The following STXBP5L variants were observed in gnomAD, a reference collection of about 807,000 sequenced individuals.
STXBP5L encodes syntaxin binding protein 5L.
In STXBP5L, 65 loss-of-function variants were observed where a neutral mutation model predicts 144.5. The ratio of observed to expected loss-of-function variants is 0.45; its 90% CI spans 0.37 to 0.55. The LOEUF is 0.55. STXBP5L is among the 20% of genes least tolerant of loss of function. The pLI is 0.00. For missense variants in STXBP5L, 1,298 were observed against 1,405.5 expected (o/e 0.92, Z 1.22); for synonymous variants, 505 against 469.6 (o/e 1.08, Z -0.97).
At chr3:121,250,611 G>T (rs2049998417) in intron 14 of STXBP5L, 112 bp from the exon 15 acceptor site, 1 of 832,116 alleles carries the variant, frequency 1.2e-6, no homozygotes, top group Non-Finnish European at 1.9e-6. Context: ...TCATTAAAGT[G>T]GTATTTTTGA....
intron 11 of STXBP5L, among the ~76,000 whole-genome samples, chr3:121,225,994 A>G (rs1172685099): frequency 6.6e-6 from 1 of 152,186 alleles, no homozygotes; most frequent in Non-Finnish European, 1.5e-5. Context: ...GTAAACTGTA[A>G]CTAGTACATA....
At chr3:121,249,624 A>T (rs894425661) in intron 14 of STXBP5L, among the ~76,000 whole-genome samples, 1 of 152,096 alleles carries the variant, frequency 6.6e-6, no homozygotes, top group African/African-American at 2.4e-5. Flanking sequence ...TAGCCATATA[A>T]TCTGCAAATA....
intron 20 of STXBP5L, among the ~76,000 whole-genome samples, chr3:121,350,685 C>G (rs1181344231): frequency 6.6e-6 from 1 of 151,884 alleles, no homozygotes; most frequent in African/African-American, 2.4e-5. Context: ...CGTTAAACTT[C>G]TCTTCTCACT....
intron 3 of STXBP5L, among the ~76,000 whole-genome samples, chr3:120,994,331 G>A (rs9866558): frequency 0.099 from 15,099 of 151,932 alleles, 1,182 homozygotes; most frequent in Admixed American, 0.2. Flanking sequence ...TATGTTTTAT[G>A]GATGTGGTGA....
intron 7 of STXBP5L, among the ~76,000 whole-genome samples, chr3:121,139,940 C>G (rs1377747701): frequency 6.6e-6 from 1 of 151,882 alleles, no homozygotes; most frequent in Non-Finnish European, 1.5e-5. Flanking sequence ...ATAAGGGACT[C>G]AGACAACTCA....
rs138837680 is a variant in STXBP5L at position 121,180,893 on chromosome 3, G to T, written c.877+23266G>T. On this transcript the variant is annotated intron_variant, in intron 9 of 26. Transcript: ENST00000471454. ...TGACTTGAAAAGAAAAAGAAGAGAAGACAAGAGAAGAGAAGAGAAAAGAAA... is the reference window on the plus strand; with the variant it reads ...TGACTTGAAAAGAAAAAGAAGAGAATACAAGAGAAGAGAAGAGAAAAGAAA... Among the ~76,000 whole-genome samples the T allele has an allele frequency of 2.5e-3, 373 of 147,314 alleles. 2 individuals are homozygous for T. Among genetic ancestry groups the T allele is most frequent in the African/African-American group, 8.4e-3 (335 of 39,796 alleles).
intron 25 of STXBP5L, 141 bp downstream of exon 25, chr3:121,416,109 T>C (rs2047225335): frequency 1.6e-6 from 1 of 615,980 alleles, no homozygotes; most frequent in Non-Finnish European, 2.7e-6. Context: ...AAAGTTTGAA[T>C]ATTTGTTTCC....
intron 10 of STXBP5L, among the ~76,000 whole-genome samples, chr3:121,218,199 A>T (rs1364597043): frequency 7.0e-6 from 1 of 142,600 alleles, no homozygotes; most frequent in East Asian, 2.0e-4. Flanking sequence ...TAGTATATAT[A>T]TTACTATATA....
At chr3:121,372,362 A>G (rs181480399) in intron 20 of STXBP5L, among the ~76,000 whole-genome samples, 2 of 152,252 alleles carry the variant, frequency 1.3e-5, no homozygotes, top group East Asian at 3.9e-4. Context: ...GCCTAGGGTG[A>G]CGGGCATCAC....
chr3:121,206,368 T>G (rs1269731099), intron 10 of STXBP5L, among the ~76,000 whole-genome samples: 2 of 152,174 alleles, frequency 1.3e-5, no homozygotes, highest in Non-Finnish European at 2.9e-5. Flanking sequence ...GTGTCTATAC[T>G]TTAAGATCTT....
chr3:121,316,998 ACT>A (rs1482497055), intron 19 of STXBP5L, among the ~76,000 whole-genome samples: 3 of 152,140 alleles, frequency 2.0e-5, no homozygotes, highest in Non-Finnish European at 4.4e-5. Flanking sequence ...TCTTATAGCA[ACT>A]CTGTGGATTA....
intron 22 of STXBP5L, among the ~76,000 whole-genome samples, chr3:121,397,811 A>T (rs1269426255): frequency 2.0e-5 from 3 of 152,232 alleles, no homozygotes; most frequent in African/African-American, 7.2e-5. Flanking sequence ...CGGGCCCTTC[A>T]CAATGCAAAA....
intron 21 of STXBP5L, among the ~76,000 whole-genome samples, chr3:121,379,099 T>A (rs1054705199): frequency 1.6e-4 from 24 of 151,150 alleles, no homozygotes; most frequent in African/African-American, 5.2e-4. Context: ...ATGCCTCTGC[T>A]TATAGGTAAC....
intron 20 of STXBP5L, among the ~76,000 whole-genome samples, chr3:121,340,999 G>GA (rs1265270403): frequency 1.3e-5 from 2 of 151,500 alleles, no homozygotes; most frequent in African/African-American, 2.4e-5. Flanking sequence ...ATAAAAAATA[G>GA]AAAAAAAATG....
chr3:121,034,663 G>A (rs926378499), intron 3 of STXBP5L, among the ~76,000 whole-genome samples: 2 of 151,920 alleles, frequency 1.3e-5, no homozygotes, highest in African/African-American at 2.4e-5. Context: ...CTGCTATTGC[G>A]AATAGTGCTG....
At chr3:121,061,370 C>T (rs1416980872) in intron 5 of STXBP5L, among the ~76,000 whole-genome samples, 1 of 152,090 alleles carries the variant, frequency 6.6e-6, no homozygotes, top group Non-Finnish European at 1.5e-5. Flanking sequence ...TTTGCATTTG[C>T]TGAGGAGTGT....
intron 3 of STXBP5L, among the ~76,000 whole-genome samples, chr3:121,036,793 A>C (rs187257493): frequency 1.9e-5 from 1 of 51,526 alleles, no homozygotes; most frequent in Non-Finnish European, 4.0e-5. Context: ...TTTTTTTTTT[A>C]TTATACTCTA....
chr3:121,184,411 G>A (rs2047285555), intron 9 of STXBP5L, among the ~76,000 whole-genome samples: 1 of 151,548 alleles, frequency 6.6e-6, no homozygotes, highest in African/African-American at 2.4e-5. Context: ...AGAACTTCAT[G>A]AAGCATACAC....
At chr3:121,412,727 CAAAA>C (rs35247157) in intron 23 of STXBP5L, among the ~76,000 whole-genome samples, 3 of 69,592 alleles carry the variant, frequency 4.3e-5, no homozygotes, top group African/African-American at 1.2e-4. Flanking sequence ...TTTCTCCCTC[CAAAA>C]AAAAAAAAAA....
Sources: gnomAD v4.1 joint callset for allele counts (sites outside exome capture counted in the v4.1 genomes callset) on GRCh38, gnomAD v4.1.1 for gene constraint, MANE v1.5 for transcripts, NCBI Gene and HGNC (gene_info 2026-07-23, HGNC 2026-07-21) for gene names.